FAT3: variants seen among roughly 807,000 people sequenced by gnomAD.
FAT3 encodes FAT atypical cadherin 3, also known as protocadherin Fat 3.
FAT3 carries 95 observed loss-of-function variants against 310.2 expected under a neutral mutation model. The observed-to-expected ratio is 0.31, with a 90% CI of 0.26 to 0.36. The LOEUF (loss-of-function observed/expected upper bound fraction) is 0.36, where lower values mean the gene tolerates loss of function less well. Among genes scored for constraint, FAT3 ranks in the 10% least tolerant of loss-of-function variants. FAT3 has a pLI of 1.00. For synonymous variants in FAT3, 2,314 were observed against 2,192.9 expected, an observed-to-expected ratio of 1.06 and a Z score of -1.54; for missense variants, 5,408 against 5,715.6, an observed-to-expected ratio of 0.95 and a Z score of 1.74.
intron 1 of FAT3, among the ~76,000 whole-genome samples, chr11:92,285,621 C>T (rs1348388713): frequency 1.3e-5 from 2 of 152,170 alleles, no homozygotes; most frequent in Non-Finnish European, 2.9e-5. Context: ...GTCTCTGTTT[C>T]TATGAAATAA....
chr11:92,783,444 A>G (rs906248117), intron 7 of FAT3, among the ~76,000 whole-genome samples: 1 of 150,508 alleles, frequency 6.6e-6, no homozygotes, highest in Non-Finnish European at 1.5e-5. Flanking sequence ...CTACAAATGT[A>G]TATAGATAAA....
At chr11:92,451,188 C>G (rs1003612837) in intron 2 of FAT3, among the ~76,000 whole-genome samples, 1 of 152,156 alleles carries the variant, frequency 6.6e-6, no homozygotes, top group African/African-American at 2.4e-5. Context: ...CCTTCTTCAC[C>G]AAGAGTTACC....
chr11:92,484,911 T>G (rs1323035237), intron 2 of FAT3, among the ~76,000 whole-genome samples: 2 of 152,234 alleles, frequency 1.3e-5, no homozygotes, highest in Admixed American at 6.5e-5. Context: ...AAGTAATTTT[T>G]GGGCGATGTC....
chr11:92,760,512 C>G (rs1281513214), intron 4 of FAT3, among the ~76,000 whole-genome samples: 2 of 152,156 alleles, frequency 1.3e-5, no homozygotes, highest in Non-Finnish European at 2.9e-5. Context: ...TTCATTCAAG[C>G]TAATGATTTA....
chr11:92,589,029 A>G (rs920296529), intron 3 of FAT3, among the ~76,000 whole-genome samples: 2 of 152,184 alleles, frequency 1.3e-5, no homozygotes, highest in South Asian at 2.1e-4. Context: ...GGGTGGCACT[A>G]TTCTGAATAA....
chr11:92,282,529 G>T (rs1293874709), intron 1 of FAT3, among the ~76,000 whole-genome samples: 1 of 152,026 alleles, frequency 6.6e-6, no homozygotes, highest in Non-Finnish European at 1.5e-5. Context: ...GCTGGGTGTG[G>T]TGGAGCATGC....
At chr11:92,832,342 A>T (rs547587742) in intron 14 of FAT3, among the ~76,000 whole-genome samples, 40 of 152,148 alleles carry the variant, frequency 2.6e-4, no homozygotes, top group African/African-American at 8.2e-4. Flanking sequence ...TCCAAAAAAA[A>T]TAATAATAGT....
intron 4 of FAT3, among the ~76,000 whole-genome samples, chr11:92,736,883 C>A (rs780141472): frequency 1.3e-5 from 2 of 151,942 alleles, no homozygotes; most frequent in Non-Finnish European, 2.9e-5. Flanking sequence ...AGATATGATC[C>A]TCCCACTCCT....
chr11:92,698,208 C>T (rs577900048), intron 4 of FAT3, among the ~76,000 whole-genome samples: 34 of 152,112 alleles, frequency 2.2e-4, no homozygotes, highest in African/African-American at 8.0e-4. Context: ...TCTTTTAGTT[C>T]CTAAGAATCA....
intron 4 of FAT3, among the ~76,000 whole-genome samples, chr11:92,698,437 G>A (rs1409136551): frequency 6.6e-6 from 1 of 152,174 alleles, no homozygotes; most frequent in Non-Finnish European, 1.5e-5. Flanking sequence ...ATAGCTTGAA[G>A]CTATTTAATT....
chr11:92,465,880 G>T (rs948336387), intron 2 of FAT3, among the ~76,000 whole-genome samples: 4 of 151,968 alleles, frequency 2.6e-5, no homozygotes, highest in African/African-American at 9.7e-5. Context: ...GTTAATTGTG[G>T]ATTGGTGAAA....
chr11:92,553,786 C>A (rs1466523820), intron 3 of FAT3, among the ~76,000 whole-genome samples: 1 of 145,922 alleles, frequency 6.9e-6, no homozygotes, highest in African/African-American at 2.5e-5. Flanking sequence ...TCCTTCCTTC[C>A]TTCCTTCTTT....
At chr11:92,651,987 A>G (rs912555295) in intron 3 of FAT3, among the ~76,000 whole-genome samples, 1 of 152,206 alleles carries the variant, frequency 6.6e-6, no homozygotes, top group African/African-American at 2.4e-5. Context: ...CTCTGGGTGT[A>G]AACACTTTGA....
chr11:92,563,762 C>T (rs1955322622), intron 3 of FAT3, among the ~76,000 whole-genome samples: 1 of 151,964 alleles, frequency 6.6e-6, no homozygotes, highest in South Asian at 2.1e-4. Context: ...AATTTTCAAC[C>T]CAGAATTTCA....
intron 2 of FAT3, among the ~76,000 whole-genome samples, chr11:92,461,451 T>C (rs1369374868): frequency 6.6e-6 from 1 of 152,164 alleles, no homozygotes; most frequent in African/African-American, 2.4e-5. Flanking sequence ...CATTTATAAA[T>C]ACATTTTTTA....
chr11:92,303,846 A>T (rs1947057138), intron 1 of FAT3, among the ~76,000 whole-genome samples: 2 of 152,104 alleles, frequency 1.3e-5, no homozygotes. Context: ...GACATTGCAA[A>T]CCTTGAGAAA....
chr11:92,586,563 C>A (rs1327701792), intron 3 of FAT3, among the ~76,000 whole-genome samples: 1 of 151,904 alleles, frequency 6.6e-6, no homozygotes, highest in East Asian at 1.9e-4. Flanking sequence ...AAAATATGTT[C>A]TAATAAAAAC....
At chr11:92,787,742 T>A (rs1946931126) in intron 7 of FAT3, among the ~76,000 whole-genome samples, 1 of 151,106 alleles carries the variant, frequency 6.6e-6, no homozygotes, top group Non-Finnish European at 1.5e-5. Flanking sequence ...TTAAAATTAT[T>A]TTTAATGATC....
intron 4 of FAT3, among the ~76,000 whole-genome samples, chr11:92,753,798 G>GTGTGTGTGTATATATA: frequency 8.4e-6 from 1 of 119,182 alleles, no homozygotes; most frequent in Non-Finnish European, 1.7e-5. Flanking sequence ...GTGTGTGTGT[G>GTGTGTGTGTATATATA]TATATATATA....
Sources: allele counts gnomAD v4.1 joint callset (sites outside exome capture counted in the v4.1 genomes callset), GRCh38; gene constraint gnomAD v4.1.1; transcripts MANE v1.5; gene names NCBI Gene and HGNC (gene_info 2026-07-23, HGNC 2026-07-21).